The following GREM2 variants were observed in gnomAD, a reference collection of about 807,000 sequenced individuals.
The protein encoded by GREM2 is gremlin 2, DAN family BMP antagonist.
GREM2 carries 11 observed loss-of-function variants against 14.2 expected under a neutral mutation model. The ratio of observed to expected loss-of-function variants is 0.78; its 90% CI spans 0.49 to 1.28. GREM2 has a LOEUF of 1.28. Among genes scored for constraint, GREM2 ranks in the 50% most tolerant of loss-of-function variants. GREM2 has a pLI of 0.00. For missense variants in GREM2, 210 were observed against 218.5 expected, an observed-to-expected ratio of 0.96 and a Z score of 0.24; for synonymous variants, 98 against 97.6, an observed-to-expected ratio of 1.00 and a Z score of -0.02.
chr1:240,523,783 A>T (rs895722143), intron 1 of GREM2, among the ~76,000 whole-genome samples: 2 of 152,192 alleles, frequency 1.3e-5, no homozygotes, highest in Non-Finnish European at 2.9e-5. Flanking sequence ...TAGAAGAAAA[A>T]TGGCTATGTC....
chr1:240,523,607 AATTT>A (rs1191984055), intron 1 of GREM2, among the ~76,000 whole-genome samples: 2 of 152,086 alleles, frequency 1.3e-5, no homozygotes, highest in African/African-American at 4.8e-5. Context: ...GTATTGTAAG[AATTT>A]ATTTAACCAG....
rs61138306 is a variant in GREM2 at position 240,546,873 on chromosome 1, T to TAA, written c.-1-53399_-1-53398dup. On this transcript the variant is annotated intron_variant, in intron 1 of 1. Coordinates refer to ENST00000318160, the MANE Select transcript of GREM2 (RefSeq NM_022469.4). ...CGTTCTTCAAGGGCTTATCACTTAG[T>TAA]AAAAAAAAAAGAATGTTTGCTTACA... is the stretch of plus-strand genomic sequence containing the variant. Among the ~76,000 whole-genome samples, 396 of 149,554 alleles carry TAA rather than the reference T, an allele frequency of 2.6e-3. 2 individuals carry two copies. The highest frequency in any genetic ancestry group is 9.4e-3 in the African/African-American group (387 of 40,998).
At chr1:240,561,658 GAATTTTGTC>G (rs1053429046) in intron 1 of GREM2, among the ~76,000 whole-genome samples, 1 of 150,720 alleles carries the variant, frequency 6.6e-6, no homozygotes, top group Non-Finnish European at 1.5e-5. Context: ...AAAACTTAGG[GAATTTTGTC>G]ATTAGTCACA....
rs117862169 is a variant in GREM2, at chr1:240,547,233, C to G, written c.-1-53757G>C. ...ATATGAATGGAGGCCAGGCACGGTG[C>G]CTCATGCCTGTAATCCCAGGGCTTT... is the stretch of plus-strand genomic sequence containing the variant. On this transcript the variant is annotated intron_variant, in intron 1 of 1. Transcript: ENST00000318160. Among the ~76,000 whole-genome samples the G allele has an allele frequency of 3.4e-3, 515 of 151,974 alleles. 7 individuals carry two copies. In the East Asian group the frequency reaches 0.041, roughly 12 times the overall value.
At chr1:240,609,612 GA>G (rs1221136832) in intron 1 of GREM2, among the ~76,000 whole-genome samples, 1 of 152,094 alleles carries the variant, frequency 6.6e-6, no homozygotes, top group Non-Finnish European at 1.5e-5. Context: ...TTTGTCCGTA[GA>G]TATTTGAAGG....
chr1:240,607,153 CA>C (rs1192616716), intron 1 of GREM2, among the ~76,000 whole-genome samples: 5 of 152,260 alleles, frequency 3.3e-5, no homozygotes, highest in Non-Finnish European at 7.3e-5. Flanking sequence ...AACTGTCAGC[CA>C]TTTCTCAGAG....
At chr1:240,566,810 T>A (rs1412353271) in intron 1 of GREM2, among the ~76,000 whole-genome samples, 1 of 152,022 alleles carries the variant, frequency 6.6e-6, no homozygotes, top group Non-Finnish European at 1.5e-5. Flanking sequence ...GATCACAGAT[T>A]ACCAGGCATG....
At chr1:240,569,846 T>C (rs1679227471) in intron 1 of GREM2, among the ~76,000 whole-genome samples, 1 of 152,208 alleles carries the variant, frequency 6.6e-6, no homozygotes, top group Admixed American at 6.5e-5. Flanking sequence ...TAAATTAGAC[T>C]TCATCAAAAT....
chr1:240,542,089 G>A lies in GREM2; in HGVS notation c.-1-48613C>T, dbSNP rs1345700251. Among the ~76,000 whole-genome samples the A allele has an allele frequency of 1.3e-5, 2 of 152,090 alleles. No individual in the cohort carries two copies. The highest frequency in any genetic ancestry group is 3.9e-4 in the East Asian group (2 of 5,162). ...TTTGGTCATCACCACTATGACGGCT[G>A]CTACTGAAATCTAGAAGGTCGAGGC... On this transcript the variant is annotated intron_variant, in intron 1 of 1. Transcript: ENST00000318160. The surrounding 1 kb of genome is among the most constrained non-coding windows in gnomAD (Gnocchi z 4.1).
chr1:240,496,614 T>C (rs1423307942), intron 1 of GREM2, among the ~76,000 whole-genome samples: 4 of 152,208 alleles, frequency 2.6e-5, no homozygotes, highest in African/African-American at 9.7e-5. Context: ...TGTCTGACTT[T>C]TCTCCTGGGA....
chr1:240,529,771 C>G (rs895550128), intron 1 of GREM2, among the ~76,000 whole-genome samples: 1 of 151,972 alleles, frequency 6.6e-6, no homozygotes, highest in African/African-American at 2.4e-5. Context: ...TATTACACTC[C>G]CAAGCAATGT....
intron 1 of GREM2, among the ~76,000 whole-genome samples, chr1:240,606,782 C>A (rs57072007): frequency 2.0e-5 from 3 of 151,234 alleles, no homozygotes; most frequent in South Asian, 4.2e-4. Flanking sequence ...AGGTTCAAGC[C>A]ATTCTCCTGC....
chr1:240,565,982 A>G (rs1033866598), intron 1 of GREM2, among the ~76,000 whole-genome samples: 2 of 152,096 alleles, frequency 1.3e-5, no homozygotes, highest in African/African-American at 4.8e-5. Context: ...TGGTCATGTA[A>G]AATTTTTTTG....
At chr1:240,528,002 G>C (rs746462521) in intron 1 of GREM2, among the ~76,000 whole-genome samples, 2 of 152,142 alleles carry the variant, frequency 1.3e-5, no homozygotes, top group African/African-American at 2.4e-5. Flanking sequence ...AATTTTCAGA[G>C]ATACAGAAAA....
intron 1 of GREM2, among the ~76,000 whole-genome samples, chr1:240,503,398 C>A (rs899494105): frequency 2.0e-5 from 3 of 152,166 alleles, no homozygotes; most frequent in Non-Finnish European, 2.9e-5. Context: ...TCCCTTCTCC[C>A]TTCAGATTCA....
rs187607001 is a variant in GREM2, at chr1:240,558,391, G to A, written c.-2+53493C>T. On this transcript the variant is annotated intron_variant, in intron 1 of 1. Coordinates refer to ENST00000318160, the MANE Select transcript of GREM2 (RefSeq NM_022469.4). The stretch of plus-strand genomic sequence containing the variant: ...CTCAAAACTATGCGAAAACAATTTT[G>A]ATGAATTTTTTTTAAATATTGAAAA... Among the ~76,000 whole-genome samples the A allele has an allele frequency of 8.5e-3, 1,287 of 151,738 alleles. 18 individuals carry two copies. The highest frequency in any genetic ancestry group is 0.029 in the African/African-American group (1,205 of 41,252).
At chr1:240,520,718 T>C (rs1184762436) in intron 1 of GREM2, among the ~76,000 whole-genome samples, 1 of 151,924 alleles carries the variant, frequency 6.6e-6, no homozygotes, top group African/African-American at 2.4e-5. Flanking sequence ...AATTTTTGTA[T>C]TTTTAGTAGA....
chr1:240,543,520 AT>A lies in GREM2; in HGVS notation c.-1-50045del, dbSNP rs1678648613. On this transcript the variant is annotated intron_variant, in intron 1 of 1. Coordinates refer to ENST00000318160, the MANE Select transcript of GREM2 (RefSeq NM_022469.4). This position sits in a 1 kb window ranked among gnomAD's most constrained non-coding sequence, Gnocchi z 6.4. Reference sequence around the variant, plus strand: ...GGGGGGAAACCGCCCTTGTGATTCAATTATTTCCACCTGGCCTTGCCCATGA... The same window carrying A: ...GGGGGGAAACCGCCCTTGTGATTCAATATTTCCACCTGGCCTTGCCCATGA... 6.6e-6 allele frequency among the ~76,000 whole-genome samples: 1 copy of A among 152,174 alleles called. No homozygotes were observed. Among genetic ancestry groups the A allele is most frequent in the Admixed American group, 6.5e-5 (1 of 15,270 alleles).
At chr1:240,567,779 T>A (rs1679196313) in intron 1 of GREM2, among the ~76,000 whole-genome samples, 1 of 152,148 alleles carries the variant, frequency 6.6e-6, no homozygotes, top group South Asian at 2.1e-4. Flanking sequence ...TTCTTATCAT[T>A]TGAATTGCTT....
Sources: allele counts gnomAD v4.1 joint callset (sites outside exome capture counted in the v4.1 genomes callset), GRCh38; gene constraint gnomAD v4.1.1; non-coding constraint Gnocchi (gnomAD v3.1); transcripts MANE v1.5; gene names NCBI Gene and HGNC (gene_info 2026-07-23, HGNC 2026-07-21).